The following SYVN1 variants were observed in gnomAD, a reference collection of about 807,000 sequenced individuals.
The protein encoded by SYVN1 is E3 ubiquitin-protein ligase synoviolin.
A neutral mutation model predicts 62.6 loss-of-function variants in SYVN1; 17 were observed. The observed-to-expected ratio is 0.27, with a 90% CI of 0.19 to 0.41. The LOEUF is 0.41. Among genes scored for constraint, SYVN1 ranks in the 10% least tolerant of loss-of-function variants. SYVN1 has a pLI of 1.00. For missense variants in SYVN1, 634 were observed against 818.0 expected, an observed-to-expected ratio of 0.78 and a Z score of 2.74; for synonymous variants, 316 against 304.0, an observed-to-expected ratio of 1.04 and a Z score of -0.41.
Position 65,132,746 on chromosome 11 carries a change from T to C in SYVN1, c.413A>G (p.His138Arg). ...ATCTCACTCACAGACAATGCGGCAG[T>C]GAAAGAGCCAGGAGATGTTGGGGCT... ...ERSPNISWLFHCRIVSLMFLL... is the reference protein window; with the variant it reads ...ERSPNISWLFRCRIVSLMFLL... The change falls in exon 5 of 16, where the codon CAC becomes CGC. Residue 138 changes from histidine (H) to arginine (R), a missense_variant. Transcript: ENST00000377190. The C allele has an allele frequency of 5.0e-6, 8 of 1,614,060 alleles. No individual in the cohort carries two copies. Among genetic ancestry groups the C allele is most frequent in the Non-Finnish European group, 6.8e-6 (8 of 1,180,008 alleles).
rs755610828 is a variant in SYVN1 at position 65,131,157 on chromosome 11, G to A, written c.799C>T (p.Arg267Ter). The A allele has an allele frequency of 1.2e-6, 2 of 1,614,050 alleles. No homozygotes were observed. Among genetic ancestry groups the A allele is most frequent in the Non-Finnish European group, 1.7e-6 (2 of 1,180,030 alleles). ...KAVTDAIMSR[R>*]AIRNMNTLYP... ...AGGGTGTTCATGTTGCGGATGGCTC[G>A]GCGAGACATGATGGCATCTGTCACA... is the stretch of plus-strand genomic sequence containing the variant. The change falls in exon 9 of 16, where the codon CGA becomes TGA. Residue 267 changes from arginine to a stop codon, truncating the protein, a stop_gained. Coordinates refer to ENST00000377190, the MANE Select transcript of SYVN1 (RefSeq NM_172230.3). LOFTEE classifies it high-confidence loss of function.
chr11:65,128,220 C>T lies in SYVN1; in HGVS notation c.*162G>A, dbSNP rs1948126019. On this transcript the variant is annotated 3_prime_UTR_variant, in exon 16 of 16. Transcript: ENST00000377190. Reference sequence around the variant, plus strand: ...GCCTGGGACTGGAGTCAAATGGGAACCCCAGCCTCTTTCCACTTGGCCTAG... The same window carrying T: ...GCCTGGGACTGGAGTCAAATGGGAATCCCAGCCTCTTTCCACTTGGCCTAG... 1 of 637,996 alleles carries T rather than the reference C, an allele frequency of 1.6e-6. No individual in the cohort carries two copies. Among genetic ancestry groups the T allele is most frequent in the South Asian group, 1.9e-5 (1 of 52,664 alleles). 39.5% of individuals were successfully genotyped at this position (637,996 alleles called of 1,614,324 possible).
At position 65,132,984 on chromosome 11, in the gene SYVN1, G is replaced by C. The variant is rs1440418063; in HGVS notation, c.316C>G (p.Leu106Val). The C allele has an allele frequency of 6.2e-7, 1 of 1,614,240 alleles. No homozygotes were observed. The highest frequency in any genetic ancestry group is 8.5e-7 in the Non-Finnish European group (1 of 1,180,034). ...RDDFSPRFVALFTLLLFLKCF... is the reference protein window; with the variant it reads ...RDDFSPRFVAVFTLLLFLKCF... ...TTGAGGAAGAGAAGAAGAGTGAAGA[G>C]TGCAACAAAGCGGGGGCTGAAGTCA... The change falls in exon 4 of 16, where the codon CTC becomes GTC. Residue 106 changes from leucine (L) to valine (V), a missense_variant. Coordinates refer to ENST00000377190, the MANE Select transcript of SYVN1 (RefSeq NM_172230.3).
chr11:65,131,166 T>C lies in SYVN1; in HGVS notation c.790A>G (p.Met264Val). Residue 264 changes from methionine (M) to valine (V), a missense_variant, in exon 9 of 16, where the codon ATG (methionine) becomes GTG (valine). This residue lies in a region of SYVN1 where 283 missense variants were observed against 444.7 expected (regional missense o/e 0.64). Transcript: ENST00000377190. ...QFKKAVTDAI[M>V]SRRAIRNMNT... ...ATGTTGCGGATGGCTCGGCGAGACA[T>C]GATGGCATCTGTCACAGCTTTCTTG... 3 of 1,614,142 alleles carry C rather than the reference T, an allele frequency of 1.9e-6. No individual in the cohort carries two copies. The highest frequency in any genetic ancestry group is 1.7e-6 in the Non-Finnish European group (2 of 1,180,018).
At position 65,129,799 on chromosome 11, in the gene SYVN1, T is replaced by C. The variant is rs1368159738; in HGVS notation, c.1525A>G (p.Asn509Asp). The C allele has an allele frequency of 1.9e-6, 3 of 1,614,066 alleles. No homozygotes were observed. The highest frequency in any genetic ancestry group is 1.7e-5 in the Admixed American group (1 of 60,008). The change falls in exon 14 of 16, where the codon AAC (asparagine) becomes GAC (aspartate). Residue 509 changes from asparagine (N) to aspartate (D), a missense_variant. Asn to Asp is a conservative substitution (Grantham distance 23, BLOSUM62 1). This residue lies in a region of SYVN1 where 351 missense variants were observed against 373.3 expected (regional missense o/e 0.94). Transcript: ENST00000377190. ...HLEARLQSLR[N>D]IHTLLDAAML... ...GCGGCGTCCAGCAGTGTGTGGATGT[T>C]ACGCAGGCTCTGCAGCCGGGCCTCC...
chr11:65,132,175 G>T, intron 6 of SYVN1, 73 bp downstream of exon 6: 2 of 1,192,080 alleles, frequency 1.7e-6, no homozygotes, highest in Non-Finnish European at 2.5e-6. Flanking sequence ...CTGAGGAAGG[G>T]TCTGTTGGGT....
At chr11:65,132,644 A>C in intron 5 of SYVN1, 88 bp downstream of exon 5, 17 of 1,366,334 alleles carry the variant, frequency 1.2e-5, no homozygotes, top group Non-Finnish European at 1.7e-5. Context: ...TCTTTCCTGT[A>C]CAGCTGTGGG....
Position 65,130,279 on chromosome 11 carries a change from C to T in SYVN1, c.1206G>A (p.Glu402=). 6.2e-7 allele frequency: 1 copy of T among 1,601,416 alleles called. No individual in the cohort carries two copies. The highest frequency in any genetic ancestry group is 8.5e-7 in the Non-Finnish European group (1 of 1,173,632). Residue 402 remains glutamate (E), a synonymous_variant, in exon 12 of 16, where the codon GAG becomes GAA. Coordinates refer to ENST00000377190, the MANE Select transcript of SYVN1 (RefSeq NM_172230.3). Reference sequence around the variant, plus strand: ...CACTGGTGGATGGAGGAGCCACAGCCTCTCCTGAGCTGGGGGGAGGCGGGA... The same window carrying T: ...CACTGGTGGATGGAGGAGCCACAGCTTCTCCTGAGCTGGGGGGAGGCGGGA... ...PPVPPPPSSG[E]AVAPPSTSAA...
chr11:65,132,988 A>C lies in SYVN1; in HGVS notation c.312T>G (p.Val104=), dbSNP rs1948200136. The C allele has an allele frequency of 6.2e-7, 1 of 1,614,218 alleles. No homozygotes were observed. The highest frequency in any genetic ancestry group is 8.5e-7 in the Non-Finnish European group (1 of 1,180,032). ...GGAAGAGAAGAAGAGTGAAGAGTGC[A>C]ACAAAGCGGGGGCTGAAGTCATCCC... ...VFRDDFSPRF[V]ALFTLLLFLK... Residue 104 remains valine, a synonymous_variant, in exon 4 of 16, where the codon GTT becomes GTG. Transcript: ENST00000377190.
Position 65,131,472 on chromosome 11 carries a change from G to A in SYVN1, c.656C>T (p.Thr219Ile). Residue 219 changes from threonine to isoleucine, a missense_variant and splice_region_variant, in exon 7 of 16, where the codon ACA (threonine) becomes ATA (isoleucine). By Grantham distance (89) the Thr-to-Ile change is moderately conservative (BLOSUM62 -1). This residue lies in a region of SYVN1 where 283 missense variants were observed against 444.7 expected (regional missense o/e 0.64). Coordinates refer to ENST00000377190, the MANE Select transcript of SYVN1 (RefSeq NM_172230.3). ...GGAGAGGCCCAGGCCCCTCTCACCT[G>A]TAAACAGCTCTGTGTAGAGCATGTA... ...AVYMLYTELF[T>I]GFIKVLLYMA... 5 of 1,614,142 alleles carry A rather than the reference G, an allele frequency of 3.1e-6. No individual in the cohort carries two copies. Among genetic ancestry groups the A allele is most frequent in the Non-Finnish European group, 4.2e-6 (5 of 1,180,000 alleles).
At position 65,128,357 on chromosome 11, in the gene SYVN1, AGGCTGGGGCTGGGCTGG is replaced by A. The variant is rs773847472; in HGVS notation, c.*8_*24del. 2 of 1,589,260 alleles carry A rather than the reference AGGCTGGGGCTGGGCTGG, an allele frequency of 1.3e-6. No individual in the cohort carries two copies. Among genetic ancestry groups the A allele is most frequent in the Non-Finnish European group, 1.7e-6 (2 of 1,162,964 alleles). ...CAGCGAGGGCTGCTCAAAAGAGCAG[AGGCTGGGGCTGGGCTGG>A]GGCAGTGTCAGTGGGCAACAGGAGA... is the stretch of plus-strand genomic sequence containing the variant. On this transcript the variant is annotated 3_prime_UTR_variant, in exon 16 of 16. Coordinates refer to ENST00000377190, the MANE Select transcript of SYVN1 (RefSeq NM_172230.3).
rs538516980 is a variant in SYVN1 at position 65,128,536 on chromosome 11, C to T, written c.1747+27G>A. On this transcript the variant is annotated intron_variant, in intron 15 of 15. Transcript: ENST00000377190. ...TGGAACCTAGAGAAGTTCCCTGCTC[C>T]CCCGGCTGGAGGCCAATCACACCTA... The T allele has an allele frequency of 8.4e-4, 1,362 of 1,613,270 alleles. 15 individuals carry two copies. The African/African-American group carries it at 0.017, about 20-fold the overall frequency.
Position 65,132,368 on chromosome 11 carries a change from AC to A in SYVN1, c.428-18del. The A allele has an allele frequency of 6.4e-7, 1 of 1,569,510 alleles. No homozygotes were observed. The highest frequency in any genetic ancestry group is 8.8e-7 in the Non-Finnish European group (1 of 1,139,572). On this transcript the variant is annotated intron_variant, in intron 5 of 15. Coordinates refer to ENST00000377190, the MANE Select transcript of SYVN1 (RefSeq NM_172230.3). ...ACATAAGAGCTGTGGGGACCCCCAC[AC>A]ATGCAGGGTGGGGGGGTCAGCCCAG... is the stretch of plus-strand genomic sequence containing the variant.
At chr11:65,128,754 A>G (rs1284688490) in intron 14 of SYVN1, 40 bp from the exon 15 acceptor site, 10 of 1,550,970 alleles carry the variant, frequency 6.4e-6, no homozygotes, top group Non-Finnish European at 8.7e-6. Flanking sequence ...TGGCCTTGGC[A>G]TCCAAGGTTG....
chr11:65,133,829 G>A (rs1948212727), intron 1 of SYVN1, among the ~76,000 whole-genome samples: 1 of 152,236 alleles, frequency 6.6e-6, no homozygotes, highest in Non-Finnish European at 1.5e-5. Context: ...TGGAACCTGG[G>A]TCAGTCTTGC....
intron 5 of SYVN1, 46 bp downstream of exon 5, chr11:65,132,686 G>A (rs116470521): frequency 2.9e-5 from 47 of 1,602,490 alleles, no homozygotes; most frequent in Middle Eastern, 1.7e-4. Context: ...ACAGGTCCAC[G>A]GTTCACGTTC....
Position 65,132,723 on chromosome 11 carries a change from C to G in SYVN1, c.427+9G>C. ...AGTCCTCCCTTCCCCTCCCCTGAAT[C>G]TCACTCACAGACAATGCGGCAGTGA... is the stretch of plus-strand genomic sequence containing the variant. On this transcript the variant is annotated intron_variant, in intron 5 of 15. Transcript: ENST00000377190. 6.2e-7 allele frequency: 1 copy of G among 1,614,166 alleles called. No homozygotes were observed. The highest frequency in any genetic ancestry group is 8.5e-7 in the Non-Finnish European group (1 of 1,179,992).
intron 5 of SYVN1, 96 bp downstream of exon 5, chr11:65,132,636 T>C: frequency 5.1e-6 from 7 of 1,380,234 alleles, no homozygotes; most frequent in Non-Finnish European, 5.2e-6. Context: ...CTAAATTATC[T>C]TTCCTGTACA....
intron 1 of SYVN1, 95 bp from the exon 2 acceptor site, chr11:65,133,713 G>C: frequency 4.1e-6 from 4 of 983,294 alleles, no homozygotes; most frequent in Non-Finnish European, 5.9e-6. Flanking sequence ...AAAGTGGGGG[G>C]GAAATCACAT....
Sources: allele counts gnomAD v4.1 joint callset (sites outside exome capture counted in the v4.1 genomes callset), GRCh38; gene constraint gnomAD v4.1.1; regional missense constraint gnomAD v4.1.1; transcripts MANE v1.5; gene names NCBI Gene and HGNC (gene_info 2026-07-23, HGNC 2026-07-21).